SEM1: variants seen among roughly 807,000 people sequenced by gnomAD.
The protein encoded by SEM1 is SEM1 26S proteasome subunit.
A neutral mutation model predicts 12.7 loss-of-function variants in SEM1; 3 were observed. That is an observed-to-expected ratio of 0.24 (90% CI 0.11 to 0.61). The LOEUF (loss-of-function observed/expected upper bound fraction) is 0.61, where lower values mean the gene tolerates loss of function less well. Ranked by LOEUF, SEM1 falls within the 20% of genes least tolerant of loss-of-function variation. SEM1 has a pLI of 0.88. For missense variants in SEM1, 59 were observed against 81.3 expected (o/e 0.73, Z 1.06); for synonymous variants, 30 against 27.8 (o/e 1.08, Z -0.25).
chr7:96,662,988 T>C (rs1789058541), intron 2 of SEM1, among the ~76,000 whole-genome samples: 1 of 152,184 alleles, frequency 6.6e-6, no homozygotes, highest in Non-Finnish European at 1.5e-5. Flanking sequence ...TGAACACATA[T>C]TGAGTATTAG....
intron 1 of SEM1, 131 bp from the exon 2 acceptor site, chr7:96,695,022 A>G: frequency 1.7e-6 from 1 of 601,928 alleles, no homozygotes; most frequent in Non-Finnish European, 2.9e-6. Flanking sequence ...GAAAAATGGT[A>G]TCTTCCTTAA....
intron 1 of SEM1, among the ~76,000 whole-genome samples, chr7:96,707,170 G>A (rs560794442): frequency 6.6e-6 from 1 of 152,288 alleles, no homozygotes; most frequent in Admixed American, 6.5e-5. Context: ...AATTTTAACA[G>A]GCTCCCAGGC....
At chr7:96,544,562 C>T (rs896479999) in intron 2 of SEM1, among the ~76,000 whole-genome samples, 4 of 151,924 alleles carry the variant, frequency 2.6e-5, no homozygotes, top group African/African-American at 9.7e-5. Context: ...TGAATATTAG[C>T]ATACAATTGA....
intron 2 of SEM1, among the ~76,000 whole-genome samples, chr7:96,556,516 GC>G (rs1805507262): frequency 6.6e-6 from 1 of 152,018 alleles, no homozygotes; most frequent in Non-Finnish European, 1.5e-5. Context: ...TTGAATATTG[GC>G]CCCCACTCTC....
chr7:96,553,983 T>C (rs1805387374), intron 2 of SEM1, among the ~76,000 whole-genome samples: 1 of 151,824 alleles, frequency 6.6e-6, no homozygotes, highest in Non-Finnish European at 1.5e-5. Context: ...CACTCATGAT[T>C]TGGTTCTCTG....
chr7:96,638,209 C>A (rs1355608803), intron 2 of SEM1, among the ~76,000 whole-genome samples: 1 of 151,992 alleles, frequency 6.6e-6, no homozygotes, highest in African/African-American at 2.4e-5. Context: ...CGGAGAAGAC[C>A]AAAGTTAAGA....
intron 2 of SEM1, among the ~76,000 whole-genome samples, chr7:96,557,241 C>T (rs1453513811): frequency 6.7e-5 from 10 of 149,860 alleles, no homozygotes; most frequent in Non-Finnish European, 1.3e-4. Context: ...TGAGGAACTG[C>T]GTTCCTTTGG....
intron 2 of SEM1, among the ~76,000 whole-genome samples, chr7:96,609,687 G>C (rs1440848917): frequency 1.3e-5 from 2 of 152,184 alleles, no homozygotes; most frequent in South Asian, 4.1e-4. Flanking sequence ...ATTGATACCT[G>C]AGGATTGGAG....
chr7:96,662,651 C>T (rs541635346), intron 2 of SEM1, among the ~76,000 whole-genome samples: 1 of 152,220 alleles, frequency 6.6e-6, no homozygotes, highest in East Asian at 1.9e-4. Flanking sequence ...CAAACCTGCA[C>T]ATTCTGCACA....
chr7:96,544,222 T>C (rs1198211163), intron 2 of SEM1, among the ~76,000 whole-genome samples: 1 of 152,128 alleles, frequency 6.6e-6, no homozygotes, highest in Non-Finnish European at 1.5e-5. Flanking sequence ...AAATTTTGCA[T>C]ATGTTTAACA....
intron 2 of SEM1, among the ~76,000 whole-genome samples, chr7:96,666,769 C>G (rs1396154878): frequency 6.6e-6 from 1 of 151,816 alleles, no homozygotes; most frequent in Non-Finnish European, 1.5e-5. Flanking sequence ...TCTTACCATG[C>G]TTCTCCTGCC....
downstream of SEM1, chr7:96,622,059 GT>G (rs1807911325): frequency 2.0e-5 from 3 of 152,456 alleles, no homozygotes; most frequent in Admixed American, 2.0e-4. Context: ...AAGTAAGCCA[GT>G]AAGTGTGAAG....
At chr7:96,582,519 AT>A (rs1431555886) in intron 2 of SEM1, among the ~76,000 whole-genome samples, 1 of 150,852 alleles carries the variant, frequency 6.6e-6, no homozygotes, top group African/African-American at 2.4e-5. Context: ...CTCTTTTTCT[AT>A]TGATTGGAAT....
At chr7:96,650,649 TAAACAC>T (rs1428220721) in intron 2 of SEM1, 1 of 634,820 alleles carries the variant, frequency 1.6e-6, no homozygotes, top group Non-Finnish European at 2.8e-6. Context: ...GTTCCAAATT[TAAACAC>T]AAACACACAG....
At chr7:96,660,593 A>C (rs2116515439) in intron 2 of SEM1, among the ~76,000 whole-genome samples, 1 of 152,308 alleles carries the variant, frequency 6.6e-6, no homozygotes, top group African/African-American at 2.4e-5. Context: ...ATGTGCATTT[A>C]GAAATTTTAA....
intron 2 of SEM1, among the ~76,000 whole-genome samples, chr7:96,655,442 C>CTTTT (rs72335497): frequency 7.3e-6 from 1 of 137,698 alleles, no homozygotes. Context: ...ATGCAAATAC[C>CTTTT]TTTTTTTTTT....
intron 2 of SEM1, among the ~76,000 whole-genome samples, chr7:96,617,296 C>CA (rs1563084600): frequency 6.6e-6 from 1 of 151,898 alleles, no homozygotes; most frequent in African/African-American, 2.4e-5. Flanking sequence ...GGTATTTCCT[C>CA]TTTTTTTAGC....
chr7:96,547,718 T>G (rs1805145644), intron 2 of SEM1, among the ~76,000 whole-genome samples: 1 of 152,098 alleles, frequency 6.6e-6, no homozygotes. Flanking sequence ...TGCACAGAGC[T>G]TGTTGTGGTT....
At chr7:96,532,107 A>G (rs573692800) in intron 2 of SEM1, among the ~76,000 whole-genome samples, 10 of 152,202 alleles carry the variant, frequency 6.6e-5, no homozygotes, top group African/African-American at 2.4e-4. Context: ...TAGGGGCTGT[A>G]TTAATATATC....
Sources: allele counts gnomAD v4.1 joint callset (sites outside exome capture counted in the v4.1 genomes callset), GRCh38; gene constraint gnomAD v4.1.1; transcripts MANE v1.5; gene names NCBI Gene and HGNC (gene_info 2026-07-23, HGNC 2026-07-21).